The following TRIM33 variants were observed in gnomAD, a reference collection of about 807,000 sequenced individuals.
TRIM33 encodes tripartite motif containing 33, also known as E3 ubiquitin-protein ligase TRIM33.
In TRIM33, 20 loss-of-function variants were observed where a neutral mutation model predicts 125.4. That is an observed-to-expected ratio of 0.16 (90% CI 0.11 to 0.23). The LOEUF is 0.23. TRIM33 is among the 10% of genes least tolerant of loss of function. TRIM33 has a pLI of 1.00. For missense variants in TRIM33, 920 were observed against 1,411.4 expected, an observed-to-expected ratio of 0.65 and a Z score of 5.58; for synonymous variants, 564 against 513.9, an observed-to-expected ratio of 1.10 and a Z score of -1.32.
chr1:114,423,379 A>G (rs1461606431), intron 10 of TRIM33, among the ~76,000 whole-genome samples: 3 of 152,256 alleles, frequency 2.0e-5, no homozygotes, highest in Admixed American at 6.5e-5. Flanking sequence ...GTCCAAGGAG[A>G]GCTTGCTAGG....
intron 1 of TRIM33, among the ~76,000 whole-genome samples, chr1:114,485,604 C>T (rs748042289): frequency 1.4e-4 from 21 of 152,154 alleles, no homozygotes; most frequent in Non-Finnish European, 2.5e-4. Flanking sequence ...TGGTACCCCA[C>T]TTCATCAGGA....
At chr1:114,436,990 TTGA>T (rs1380005703) in intron 4 of TRIM33, among the ~76,000 whole-genome samples, 8 of 152,216 alleles carry the variant, frequency 5.3e-5, no homozygotes, top group African/African-American at 1.2e-4. Flanking sequence ...TTTGAAGAAT[TTGA>T]TGATGTCAAC....
intron 1 of TRIM33, among the ~76,000 whole-genome samples, chr1:114,508,999 T>G (rs1264560020): frequency 6.6e-6 from 1 of 152,240 alleles, no homozygotes; most frequent in African/African-American, 2.4e-5. Context: ...TGCTTCATTC[T>G]GTAATACCTG....
chr1:114,484,629 G>A (rs953031093), intron 1 of TRIM33, among the ~76,000 whole-genome samples: 2 of 152,140 alleles, frequency 1.3e-5, no homozygotes, highest in Non-Finnish European at 1.5e-5. Context: ...TTGGGAGGCC[G>A]AGGCAGACAG....
In TRIM33 at chr1:114,396,136, G is replaced by A. The variant is rs1329215355; in HGVS notation, c.*1512C>T. 1 of 201,058 alleles carries A rather than the reference G, an allele frequency of 5.0e-6. No homozygotes were observed. Among genetic ancestry groups the A allele is most frequent in the Non-Finnish European group, 1.0e-5 (1 of 97,470 alleles). 12.5% of individuals were successfully genotyped at this position (201,058 alleles called of 1,614,324 possible). ...TTTTGGTCTCTGAATATTCTAATGT[G>A]TCCATACAAAAGTAGGACTAAAATC... is the stretch of plus-strand genomic sequence containing the variant. On this transcript the variant is annotated 3_prime_UTR_variant, in exon 20 of 20. Transcript: ENST00000358465.
Position 114,394,306 on chromosome 1 carries a change from G to A in TRIM33, c.*3342C>T, listed in dbSNP as rs1571996054. On this transcript the variant is annotated 3_prime_UTR_variant, in exon 20 of 20. Coordinates refer to ENST00000358465, the MANE Select transcript of TRIM33 (RefSeq NM_015906.4). ...ATGGGACGTAAAAGCCAAGGGAGAC[G>A]GGGCCACAGCATCTACTCCCATTTT... 1 of 227,372 alleles carries A rather than the reference G, an allele frequency of 4.4e-6. No homozygotes were observed. The allele number at this position is 227,372 out of a possible 1,614,324, so 14.1% of individuals were successfully genotyped here.
At chr1:114,456,568 A>G (rs556301653) in intron 4 of TRIM33, among the ~76,000 whole-genome samples, 1 of 152,306 alleles carries the variant, frequency 6.6e-6, no homozygotes, top group African/African-American at 2.4e-5. Context: ...CTCAGGGACT[A>G]ATCTTGTGAA....
chr1:114,465,767 C>A (rs180820053), intron 1 of TRIM33, among the ~76,000 whole-genome samples: 4 of 151,888 alleles, frequency 2.6e-5, no homozygotes, highest in African/African-American at 9.7e-5. Context: ...AAGAGCCGGG[C>A]GCGGTGGCTC....
intron 1 of TRIM33, among the ~76,000 whole-genome samples, chr1:114,508,242 C>G (rs1653122260): frequency 6.6e-6 from 1 of 152,144 alleles, no homozygotes; most frequent in Admixed American, 6.5e-5. Flanking sequence ...ACTCCCCCTC[C>G]TTCAAAAAGA....
At chr1:114,431,025 CTT>C (rs1169941909) in intron 5 of TRIM33, 113 bp from the exon 6 acceptor site, 5 of 689,596 alleles carry the variant, frequency 7.3e-6, no homozygotes, top group African/African-American at 1.8e-5. Flanking sequence ...AAAATGAAAA[CTT>C]TGTCAAAATG....
intron 1 of TRIM33, among the ~76,000 whole-genome samples, chr1:114,504,862 A>C (rs71664852): frequency 0.14 from 21,779 of 152,248 alleles, 1,864 homozygotes; most frequent in Non-Finnish European, 0.19. Flanking sequence ...CATGCTGTAC[A>C]TATCAGTAGA....
At chr1:114,477,948 T>C (rs948004569) in intron 1 of TRIM33, among the ~76,000 whole-genome samples, 1 of 151,968 alleles carries the variant, frequency 6.6e-6, no homozygotes, top group African/African-American at 2.4e-5. Context: ...TACAACAAAA[T>C]GAAGGTACAA....
At chr1:114,400,054 CAG>C (rs1651777019) in intron 17 of TRIM33, among the ~76,000 whole-genome samples, 1 of 151,922 alleles carries the variant, frequency 6.6e-6, no homozygotes, top group African/African-American at 2.4e-5. Context: ...GACTTAGTAA[CAG>C]AGGAAGTAAG....
intron 1 of TRIM33, among the ~76,000 whole-genome samples, chr1:114,497,048 C>A (rs1320577166): frequency 6.6e-6 from 1 of 152,212 alleles, no homozygotes; most frequent in East Asian, 1.9e-4. Flanking sequence ...ACTCACTCTT[C>A]TTTGAAATGA....
intron 4 of TRIM33, among the ~76,000 whole-genome samples, chr1:114,461,731 C>A (rs1477775948): frequency 6.6e-6 from 1 of 151,966 alleles, no homozygotes; most frequent in African/African-American, 2.4e-5. Context: ...CTCTCACCAT[C>A]AACTTAAAAA....
intron 4 of TRIM33, among the ~76,000 whole-genome samples, chr1:114,437,836 C>T (rs1281971556): frequency 1.3e-5 from 2 of 152,000 alleles, no homozygotes; most frequent in Non-Finnish European, 2.9e-5. Flanking sequence ...GCATGCTTAG[C>T]TTTTTTAAAT....
At chr1:114,413,965 C>T (rs367793956) in intron 11 of TRIM33, among the ~76,000 whole-genome samples, 2 of 151,262 alleles carry the variant, frequency 1.3e-5, no homozygotes, top group African/African-American at 4.9e-5. Flanking sequence ...TGCACTCCAG[C>T]CTCGGCAAAA....
chr1:114,428,758 A>T (rs558068784), intron 6 of TRIM33, among the ~76,000 whole-genome samples: 1 of 152,354 alleles, frequency 6.6e-6, no homozygotes, highest in East Asian at 1.9e-4. Context: ...ACAAAGTATA[A>T]GAACATATTA....
intron 11 of TRIM33, chr1:114,420,313 C>G: frequency 1.1e-6 from 1 of 897,502 alleles, no homozygotes; most frequent in Non-Finnish European, 1.6e-6. Flanking sequence ...GGCCTTCTAA[C>G]CCCATCCTTT....
Sources: gnomAD v4.1 joint callset for allele counts (sites outside exome capture counted in the v4.1 genomes callset) on GRCh38, gnomAD v4.1.1 for gene constraint, MANE v1.5 for transcripts, NCBI Gene and HGNC (gene_info 2026-07-23, HGNC 2026-07-21) for gene names.